The following MAPRE2 variants were observed in gnomAD, a reference collection of about 807,000 sequenced individuals.
The protein encoded by MAPRE2 is microtubule associated protein RP/EB family member 2, also known as microtubule-associated protein RP/EB family member 2.
In MAPRE2, 13 loss-of-function variants were observed where a neutral mutation model predicts 43.2. That is an observed-to-expected ratio of 0.30 (90% CI 0.20 to 0.48). The LOEUF is 0.48. Ranked by LOEUF, MAPRE2 falls within the 20% of genes least tolerant of loss-of-function variation. MAPRE2 has a pLI of 0.99. For synonymous variants in MAPRE2, 135 were observed against 148.8 expected (o/e 0.91, Z 0.68); for missense variants, 161 against 400.2 (o/e 0.40, Z 5.10).
At chr18:35,090,095 GAC>G (rs1908071607) in intron 2 of MAPRE2, among the ~76,000 whole-genome samples, 1 of 152,134 alleles carries the variant, frequency 6.6e-6, no homozygotes, top group South Asian at 2.1e-4. Flanking sequence ...GATCCATAGA[GAC>G]AGAAAATAGA....
intron 1 of MAPRE2, among the ~76,000 whole-genome samples, chr18:35,000,558 G>T (rs1214456511): frequency 6.6e-6 from 1 of 152,156 alleles, no homozygotes; most frequent in Non-Finnish European, 1.5e-5. Flanking sequence ...GGATTTGTTT[G>T]TCAAAGAAAG....
At chr18:35,041,860 G>T (rs1210764371) in intron 1 of MAPRE2, 199 bp downstream of exon 1, 1 of 1,349,574 alleles carries the variant, frequency 7.4e-7, no homozygotes, top group Non-Finnish European at 9.8e-7. Context: ...CAGATGGAAA[G>T]CATTTTGTGA....
chr18:35,041,671 C>T lies in MAPRE2; in HGVS notation c.122+10C>T. The stretch of plus-strand genomic sequence containing the variant: ...GGGAGCGTTCCTACAGGTAATGGGG[C>T]TGGCACGAGAGCAGCGCCGGGGACC... On this transcript the variant is annotated intron_variant, in intron 1 of 6. Transcript: ENST00000300249. 1 of 1,614,162 alleles carries T rather than the reference C, an allele frequency of 6.2e-7. No individual in the cohort carries two copies. Among genetic ancestry groups the T allele is most frequent in the Non-Finnish European group, 8.5e-7 (1 of 1,180,024 alleles).
intron 1 of MAPRE2, among the ~76,000 whole-genome samples, chr18:34,995,728 TTTG>T (rs2097026164): frequency 6.6e-6 from 1 of 152,162 alleles, no homozygotes; most frequent in South Asian, 2.1e-4. Flanking sequence ...GTGTCCATTG[TTTG>T]GTAGTAAGGT....
chr18:35,058,101 C>G (rs1308788414), intron 1 of MAPRE2, among the ~76,000 whole-genome samples: 1 of 152,118 alleles, frequency 6.6e-6, no homozygotes, highest in African/African-American at 2.4e-5. Context: ...GTGCTATTTC[C>G]CAGTTTGAAG....
At chr18:35,109,904 T>C (rs1431447902) in intron 4 of MAPRE2, among the ~76,000 whole-genome samples, 3 of 152,150 alleles carry the variant, frequency 2.0e-5, no homozygotes, top group African/African-American at 7.2e-5. Flanking sequence ...TGTTTTGTTG[T>C]TTCTCCCTTC....
chr18:35,080,825 T>TC (rs1568996248), intron 2 of MAPRE2, among the ~76,000 whole-genome samples: 1 of 149,336 alleles, frequency 6.7e-6, no homozygotes, highest in Non-Finnish European at 1.5e-5. Context: ...TTTTTTTTTT[T>TC]CCCACCCTGA....
At position 35,001,390 on chromosome 18, in the gene MAPRE2, TG is replaced by T. The variant is rs1168714247; in HGVS notation, c.-69-4101del. Among the ~76,000 whole-genome samples, 5 of 152,076 alleles carry T rather than the reference TG, an allele frequency of 3.3e-5. No individual in the cohort carries two copies. The East Asian group carries it at 9.7e-4, about 29-fold the overall frequency. The stretch of plus-strand genomic sequence containing the variant: ...ATTAGTGGGTGTGGTGGCACATGCC[TG>T]TAATCCCAGCTACGCGGGAGGTTGA... On this transcript the variant is annotated intron_variant, in intron 1 of 7. Transcript: ENST00000413393.
upstream of MAPRE2, chr18:35,041,238 C>T: frequency 4.5e-6 from 5 of 1,111,326 alleles, no homozygotes; most frequent in Admixed American, 6.8e-5. Context: ...CCGGTGCCTG[C>T]CTGGAGCTGC....
chr18:35,011,259 C>T (rs1043499747), intron 2 of MAPRE2, among the ~76,000 whole-genome samples: 5 of 152,064 alleles, frequency 3.3e-5, no homozygotes, highest in South Asian at 4.1e-4. Flanking sequence ...AGTTTCGAGG[C>T]GTCTAATCTG....
chr18:35,029,991 A>T (rs2097047033), intron 2 of MAPRE2, among the ~76,000 whole-genome samples: 1 of 152,370 alleles, frequency 6.6e-6, no homozygotes, highest in South Asian at 2.1e-4. Context: ...TCCAGAAGGT[A>T]TCAAAGAAAT....
chr18:35,054,781 G>C (rs918331494), intron 1 of MAPRE2, among the ~76,000 whole-genome samples: 3 of 152,040 alleles, frequency 2.0e-5, no homozygotes, highest in Non-Finnish European at 4.4e-5. Flanking sequence ...TTGGCTTTTA[G>C]GACTCTTAAC....
chr18:35,105,482 T>G (rs1184848593), intron 4 of MAPRE2, among the ~76,000 whole-genome samples: 1 of 152,122 alleles, frequency 6.6e-6, no homozygotes, highest in Admixed American at 6.6e-5. Flanking sequence ...AAGGCTCCTA[T>G]AAATGCATTA....
At chr18:35,031,969 A>G (rs2097048058) in intron 2 of MAPRE2, among the ~76,000 whole-genome samples, 1 of 152,190 alleles carries the variant, frequency 6.6e-6, no homozygotes, top group Non-Finnish European at 1.5e-5. Flanking sequence ...AAATCTTCCT[A>G]TGCCTCTGGG....
At chr18:35,074,254 A>T (rs149507770) in intron 2 of MAPRE2, among the ~76,000 whole-genome samples, 1 of 152,316 alleles carries the variant, frequency 6.6e-6, no homozygotes, top group Non-Finnish European at 1.5e-5. Flanking sequence ...TTTTAATTCA[A>T]AAGTTATACA....
intron 2 of MAPRE2, among the ~76,000 whole-genome samples, chr18:35,090,999 A>C (rs1239009158): frequency 2.6e-5 from 4 of 152,228 alleles, no homozygotes; most frequent in African/African-American, 9.6e-5. Context: ...GAATAAACTT[A>C]GCGAAGGAGC....
chr18:35,129,939 C>T (rs1910072736), intron 5 of MAPRE2, among the ~76,000 whole-genome samples: 1 of 152,216 alleles, frequency 6.6e-6, no homozygotes, highest in Non-Finnish European at 1.5e-5. Flanking sequence ...GATCTTTCAT[C>T]ATGTAAGTTA....
intron 1 of MAPRE2, among the ~76,000 whole-genome samples, chr18:35,061,241 AAACTCACATTT>A (rs1432480786): frequency 1.3e-5 from 2 of 152,238 alleles, no homozygotes; most frequent in Non-Finnish European, 2.9e-5. Context: ...AAACCTGATA[AAACTCACATTT>A]ATCTCATCTT....
At chr18:35,077,755 A>G (rs753634127) in intron 2 of MAPRE2, among the ~76,000 whole-genome samples, 2 of 152,112 alleles carry the variant, frequency 1.3e-5, no homozygotes, top group Non-Finnish European at 2.9e-5. Context: ...AATTACAGAA[A>G]CCTTTAGAGC....
Sources: gnomAD v4.1 joint callset for allele counts (sites outside exome capture counted in the v4.1 genomes callset) on GRCh38, gnomAD v4.1.1 for gene constraint, MANE v1.5 for transcripts, NCBI Gene and HGNC (gene_info 2026-07-23, HGNC 2026-07-21) for gene names.